ADCK1: variants seen among roughly 807,000 people sequenced by gnomAD.
ADCK1 encodes the protein aarF domain containing kinase 1.
A neutral mutation model predicts 52.3 loss-of-function variants in ADCK1; 41 were observed. That is an observed-to-expected ratio of 0.78 (90% CI 0.61 to 1.02). The LOEUF is 1.02. ADCK1 is among the 50% of genes least tolerant of loss of function. ADCK1 has a pLI of 0.00. For missense variants in ADCK1, 658 were observed against 679.5 expected, an observed-to-expected ratio of 0.97 and a Z score of 0.35; for synonymous variants, 250 against 274.6, an observed-to-expected ratio of 0.91 and a Z score of 0.89.
chr14:77,835,877 C>CT (rs2081950095), intron 3 of ADCK1, among the ~76,000 whole-genome samples: 1 of 149,220 alleles, frequency 6.7e-6, no homozygotes. Context: ...CTCAAACATT[C>CT]CCCCTGCTTC....
chr14:77,804,611 T>G (rs1194042396), intron 1 of ADCK1, among the ~76,000 whole-genome samples: 15 of 115,914 alleles, frequency 1.3e-4, no homozygotes, highest in Admixed American at 4.9e-4. Context: ...GGCTGGGAGG[T>G]GGTGTTGGGG....
At chr14:77,844,381 T>C (rs1185760111) in intron 3 of ADCK1, among the ~76,000 whole-genome samples, 3 of 152,142 alleles carry the variant, frequency 2.0e-5, no homozygotes, top group African/African-American at 7.2e-5. Context: ...ACGCCTGGCC[T>C]GATCATAATT....
At chr14:77,816,800 G>T (rs1031107142) in intron 1 of ADCK1, among the ~76,000 whole-genome samples, 4 of 150,622 alleles carry the variant, frequency 2.7e-5, no homozygotes, top group Non-Finnish European at 4.4e-5. Flanking sequence ...CTGATGTTGT[G>T]GGGGGAAGTG....
chr14:77,908,255 G>A (rs2083713214), intron 7 of ADCK1: 2 of 173,872 alleles, frequency 1.2e-5, no homozygotes, highest in Middle Eastern at 2.6e-3. Flanking sequence ...TGTGGGGCCT[G>A]TCTGTTGTCT....
chr14:77,891,287 A>C (rs573436446), intron 5 of ADCK1, among the ~76,000 whole-genome samples: 1 of 152,284 alleles, frequency 6.6e-6, no homozygotes, highest in South Asian at 2.1e-4. Flanking sequence ...TCCGCCTACA[A>C]ACCTGATTTT....
intron 9 of ADCK1, among the ~76,000 whole-genome samples, chr14:77,927,932 G>C (rs1471746057): frequency 1.3e-5 from 2 of 152,206 alleles, no homozygotes. Context: ...CTGAGCAGGA[G>C]AGGGAGATGC....
chr14:77,923,019 T>C lies in ADCK1; in HGVS notation c.859-1438T>C, dbSNP rs2084099351. ...CCACTGTTACAAGCAAGTGGATACA[T>C]AATAGAGCCAGTCTGTGGTCCATAA... On this transcript the variant is annotated intron_variant, in intron 7 of 10. Transcript: ENST00000238561. This position sits in a 1 kb window ranked among gnomAD's most constrained non-coding sequence, Gnocchi z 4.3. 6.6e-6 allele frequency among the ~76,000 whole-genome samples: 1 copy of C among 152,208 alleles called. No homozygotes were observed. The highest frequency in any genetic ancestry group is 6.5e-5 in the Admixed American group (1 of 15,280).
chr14:77,824,985 A>C (rs1265174655), intron 3 of ADCK1, among the ~76,000 whole-genome samples: 1 of 152,212 alleles, frequency 6.6e-6, no homozygotes, highest in Non-Finnish European at 1.5e-5. Flanking sequence ...CATAAATCAA[A>C]ATATACGGTA....
At chr14:77,884,757 A>G (rs984301370) in intron 4 of ADCK1, among the ~76,000 whole-genome samples, 11 of 152,232 alleles carry the variant, frequency 7.2e-5, no homozygotes, top group South Asian at 6.2e-4. Flanking sequence ...TTCAACTGAG[A>G]AAAACATCTA....
At chr14:77,861,368 G>A (rs2082542646) in intron 4 of ADCK1, among the ~76,000 whole-genome samples, 1 of 152,132 alleles carries the variant, frequency 6.6e-6, no homozygotes, top group Non-Finnish European at 1.5e-5. Flanking sequence ...GTGGGTGGAG[G>A]GAGGGGAGCG....
chr14:77,887,215 G>C lies in ADCK1; in HGVS notation c.548G>C (p.Arg183Pro), dbSNP rs200211943. 6 of 1,603,324 alleles carry C rather than the reference G, an allele frequency of 3.7e-6. No individual in the cohort carries two copies. The highest frequency in any genetic ancestry group is 5.1e-6 in the Non-Finnish European group (6 of 1,174,626). The stretch of plus-strand genomic sequence containing the variant: ...GTGAAGGTCCAGCACCCAAAGGTGC[G>C]GGCTCAGAGCTCGAAGGACATTCTC... The part of the protein sequence containing the change: ...VAVKVQHPKV[R>P]AQSSKDILLM... Residue 183 changes from arginine to proline, a missense_variant, in exon 5 of 11, where the codon CGG becomes CCG. Transcript: ENST00000238561.
At chr14:77,849,988 C>G (rs1015949307) in intron 3 of ADCK1, among the ~76,000 whole-genome samples, 1 of 151,882 alleles carries the variant, frequency 6.6e-6, no homozygotes, top group Non-Finnish European at 1.5e-5. Flanking sequence ...TTGAGACCAG[C>G]CTGGGCAACA....
In ADCK1 at chr14:77,828,108, A is replaced by G. The variant is rs138417630; in HGVS notation, c.219+5590A>G. 1,872 of 187,954 alleles carry G rather than the reference A, an allele frequency of 1.0e-2. 37 individuals carry two copies. Among genetic ancestry groups the G allele is most frequent in the African/African-American group, 0.043 (1,789 of 41,734 alleles). The allele number at this position is 187,954 out of a possible 1,614,324, so 11.6% of individuals were successfully genotyped here. A position where few individuals can be genotyped will look rare whatever the true frequency, so the allele number is the denominator to read the frequency against. Reference sequence around the variant, plus strand: ...CTCCCAAAGTGCTGGGATTACAGGCATGAGCCACTGCGCCCAGCCCAATTT... The same window carrying G: ...CTCCCAAAGTGCTGGGATTACAGGCGTGAGCCACTGCGCCCAGCCCAATTT... On this transcript the variant is annotated intron_variant, in intron 3 of 10. Coordinates refer to ENST00000238561, the MANE Select transcript of ADCK1 (RefSeq NM_020421.4).
intron 6 of ADCK1, among the ~76,000 whole-genome samples, chr14:77,903,951 A>ACC (rs1372410977): frequency 6.6e-6 from 1 of 152,044 alleles, no homozygotes; most frequent in Non-Finnish European, 1.5e-5. Flanking sequence ...TGCCATAATC[A>ACC]CCCCCATATC....
chr14:77,913,900 T>C (rs943984625), intron 7 of ADCK1, among the ~76,000 whole-genome samples: 3 of 149,074 alleles, frequency 2.0e-5, no homozygotes, highest in Non-Finnish European at 3.0e-5. Flanking sequence ...TTATGTGGAC[T>C]TAGGTTCAGT....
chr14:77,875,663 T>C (rs755002327), intron 4 of ADCK1, among the ~76,000 whole-genome samples: 2 of 152,130 alleles, frequency 1.3e-5, no homozygotes, highest in African/African-American at 4.8e-5. Flanking sequence ...GCCCCACTGC[T>C]GTGTGTGAAC....
At chr14:77,909,514 G>T (rs2083744488) in intron 7 of ADCK1, among the ~76,000 whole-genome samples, 2 of 152,208 alleles carry the variant, frequency 1.3e-5, no homozygotes, top group South Asian at 4.1e-4. Flanking sequence ...TCCCAATGGG[G>T]AGTTGGCCCA....
At chr14:77,916,898 T>A (rs2083938067) in intron 7 of ADCK1, among the ~76,000 whole-genome samples, 1 of 152,188 alleles carries the variant, frequency 6.6e-6, no homozygotes, top group African/African-American at 2.4e-5. Context: ...CCAAAGGTGG[T>A]TCCTGGGGAC....
intron 3 of ADCK1, 73 bp downstream of exon 3, chr14:77,822,591 C>T: frequency 7.9e-7 from 1 of 1,271,560 alleles, no homozygotes; most frequent in South Asian, 1.2e-5. Context: ...CTCTAGTGAT[C>T]CTCCCACCTC....
Sources: allele counts gnomAD v4.1 joint callset (sites outside exome capture counted in the v4.1 genomes callset), GRCh38; gene constraint gnomAD v4.1.1; non-coding constraint Gnocchi (gnomAD v3.1); transcripts MANE v1.5; gene names NCBI Gene and HGNC (gene_info 2026-07-23, HGNC 2026-07-21).